Variants in SYT6 observed in about 807,000 individuals in gnomAD.
SYT6 encodes synaptotagmin 6, also known as synaptotagmin-6.
A neutral mutation model predicts 38.4 loss-of-function variants in SYT6; 24 were observed. That is an observed-to-expected ratio of 0.62 (90% CI 0.45 to 0.88). The LOEUF (loss-of-function observed/expected upper bound fraction) is 0.88, where lower values mean the gene tolerates loss of function less well. SYT6 is among the 40% of genes least tolerant of loss of function. SYT6 has a pLI of 0.00. For synonymous variants in SYT6, 265 were observed against 241.9 expected, an observed-to-expected ratio of 1.10 and a Z score of -0.89; for missense variants, 611 against 621.0, an observed-to-expected ratio of 0.98 and a Z score of 0.17.
chr1:114,115,912 T>C (rs528319293), intron 3 of SYT6, among the ~76,000 whole-genome samples: 19 of 152,248 alleles, frequency 1.2e-4, no homozygotes, highest in Non-Finnish European at 2.2e-4. Context: ...CCTCTGGGAC[T>C]GTCCATGCTC....
chr1:114,120,584 AAAAT>A (rs555492230), intron 3 of SYT6, among the ~76,000 whole-genome samples: 37 of 152,382 alleles, frequency 2.4e-4, no homozygotes, highest in Non-Finnish European at 1.9e-4. Context: ...AGTGACAAGC[AAAAT>A]AAATAAACGT....
At chr1:114,128,859 CT>C (rs1302018387) in intron 3 of SYT6, among the ~76,000 whole-genome samples, 1 of 152,174 alleles carries the variant, frequency 6.6e-6, no homozygotes, top group Non-Finnish European at 1.5e-5. Flanking sequence ...TTCCTTTCCT[CT>C]TTTCTATCTA....
Position 114,139,746 on chromosome 1 carries a change from G to A in SYT6, c.381C>T (p.Phe127=). The change falls in exon 2 of 8, where the codon TTC becomes TTT. Residue 127 remains phenylalanine (F), a synonymous_variant. Transcript: ENST00000610222. ...DKLKDPSTLG[F]LEAAVKISHT... is the part of the protein sequence containing the mutation. ...GGCTGATCTTCACGGCCGCCTCCAGGAAGCCCAGGGTGCTGGGGTCCTTCA... is the reference window on the plus strand; with the variant it reads ...GGCTGATCTTCACGGCCGCCTCCAGAAAGCCCAGGGTGCTGGGGTCCTTCA... 1 of 1,614,130 alleles carries A rather than the reference G, an allele frequency of 6.2e-7. No homozygotes were observed. The highest frequency in any genetic ancestry group is 8.5e-7 in the Non-Finnish European group (1 of 1,180,006).
intron 3 of SYT6, among the ~76,000 whole-genome samples, chr1:114,132,822 A>G (rs930920981): frequency 1.4e-4 from 22 of 152,182 alleles, no homozygotes; most frequent in Non-Finnish European, 1.5e-5. Context: ...TGTTTCATTT[A>G]CTACATATAA....
intron 6 of SYT6, among the ~76,000 whole-genome samples, chr1:114,095,157 G>T (rs1043007881): frequency 2.6e-5 from 4 of 152,104 alleles, no homozygotes; most frequent in African/African-American, 7.2e-5. Flanking sequence ...GGCCTGCAAG[G>T]TCAGGAAAAA....
chr1:114,110,465 C>G (rs1043616873), intron 3 of SYT6, among the ~76,000 whole-genome samples: 6 of 152,140 alleles, frequency 3.9e-5, no homozygotes, highest in African/African-American at 1.4e-4. Flanking sequence ...GGAAGGAGAG[C>G]TCTCAGCAGA....
chr1:114,112,592 T>C (rs1000598657), intron 3 of SYT6, among the ~76,000 whole-genome samples: 2 of 152,032 alleles, frequency 1.3e-5, no homozygotes, highest in African/African-American at 2.4e-5. Flanking sequence ...GGAGTGGAGT[T>C]TGGAGAAATT....
intron 3 of SYT6, among the ~76,000 whole-genome samples, chr1:114,135,510 TTGAGGATGA>T (rs66724737): frequency 0.35 from 52,850 of 151,576 alleles, 9,488 homozygotes; most frequent in South Asian, 0.47. Context: ...ATGATACTAG[TTGAGGATGA>T]TGAGGATGAT....
At chr1:114,140,992 G>C (rs1678836184) in intron 1 of SYT6, among the ~76,000 whole-genome samples, 1 of 152,176 alleles carries the variant, frequency 6.6e-6, no homozygotes, top group Non-Finnish European at 1.5e-5. Flanking sequence ...GATAAATGTT[G>C]TGTGTGTTCT....
intron 1 of SYT6, among the ~76,000 whole-genome samples, chr1:114,145,484 A>C (rs1383192876): frequency 1.3e-5 from 2 of 150,102 alleles, no homozygotes; most frequent in Non-Finnish European, 3.0e-5. Flanking sequence ...ACAAAAAAAC[A>C]TATATTGGAG....
At chr1:114,115,500 T>A (rs1423909393) in intron 3 of SYT6, among the ~76,000 whole-genome samples, 2 of 150,760 alleles carry the variant, frequency 1.3e-5, no homozygotes, top group Non-Finnish European at 2.9e-5. Flanking sequence ...CACTGCAACC[T>A]CGGCTTCCTG....
chr1:114,117,490 C>T (rs957750854), intron 3 of SYT6, among the ~76,000 whole-genome samples: 1 of 152,170 alleles, frequency 6.6e-6, no homozygotes, highest in African/African-American at 2.4e-5. Context: ...AGGCAGCTGC[C>T]TTGGAGTTGT....
chr1:114,119,471 G>A (rs1323270982), intron 3 of SYT6, among the ~76,000 whole-genome samples: 3 of 152,228 alleles, frequency 2.0e-5, no homozygotes, highest in Non-Finnish European at 4.4e-5. Flanking sequence ...GCTGTGTGCC[G>A]ATGGGCACTT....
intron 1 of SYT6, among the ~76,000 whole-genome samples, chr1:114,152,038 T>C (rs1030825513): frequency 2.0e-5 from 3 of 152,044 alleles, no homozygotes; most frequent in Non-Finnish European, 2.9e-5. Flanking sequence ...TCAGGTGGGC[T>C]CCGCTCACCC....
At chr1:114,136,542 C>T (rs951504252) in intron 3 of SYT6, among the ~76,000 whole-genome samples, 2 of 152,196 alleles carry the variant, frequency 1.3e-5, no homozygotes, top group Middle Eastern at 3.2e-3. Flanking sequence ...AGGGCTATGC[C>T]AGACCGAAGG....
intron 1 of SYT6, among the ~76,000 whole-genome samples, chr1:114,141,651 A>G (rs1960674): frequency 0.21 from 31,506 of 152,216 alleles, 3,587 homozygotes; most frequent in South Asian, 0.33. Context: ...TTCAGAGTAG[A>G]AGAAATAGCC....
intron 6 of SYT6, among the ~76,000 whole-genome samples, chr1:114,096,775 G>T (rs762552782): frequency 6.6e-6 from 1 of 152,214 alleles, no homozygotes; most frequent in Non-Finnish European, 1.5e-5. Flanking sequence ...TTTTGTATTA[G>T]TAGAATTTCC....
At chr1:114,142,799 T>C (rs1421029335) in intron 1 of SYT6, among the ~76,000 whole-genome samples, 1 of 152,162 alleles carries the variant, frequency 6.6e-6, no homozygotes, top group Non-Finnish European at 1.5e-5. Context: ...CAAAAAGAGA[T>C]TAAGACTCAC....
At chr1:114,096,822 C>T (rs1050810680) in intron 6 of SYT6, among the ~76,000 whole-genome samples, 2 of 152,142 alleles carry the variant, frequency 1.3e-5, no homozygotes, top group African/African-American at 4.8e-5. Context: ...AGGTTTGAAG[C>T]CTGTTAAGAT....
Sources: gnomAD v4.1 joint callset for allele counts (sites outside exome capture counted in the v4.1 genomes callset) on GRCh38, gnomAD v4.1.1 for gene constraint, MANE v1.5 for transcripts, NCBI Gene and HGNC (gene_info 2026-07-23, HGNC 2026-07-21) for gene names.